Variants in ARMH3 observed in about 807,000 individuals in gnomAD.
ARMH3 encodes armadillo-like helical domain-containing protein 3.
A neutral mutation model predicts 99.1 loss-of-function variants in ARMH3; 60 were observed. The ratio of observed to expected loss-of-function variants is 0.61; its 90% CI spans 0.49 to 0.75. The LOEUF is 0.75. ARMH3 is among the 30% of genes least tolerant of loss of function. The pLI, the probability that ARMH3 is intolerant of heterozygous loss-of-function variation, is 0.00. For missense variants in ARMH3, 679 were observed against 843.1 expected (o/e 0.81, Z 2.41); for synonymous variants, 285 against 292.8 (o/e 0.97, Z 0.27).
intron 24 of ARMH3, among the ~76,000 whole-genome samples, chr10:101,871,060 AAACG>A (rs1022047772): frequency 1.3e-5 from 2 of 152,214 alleles, no homozygotes; most frequent in African/African-American, 4.8e-5. Context: ...AACTAGCAAC[AAACG>A]ACTGGAAATT....
At chr10:101,852,766 G>A (rs1279035816) in intron 24 of ARMH3, among the ~76,000 whole-genome samples, 3 of 150,486 alleles carry the variant, frequency 2.0e-5, no homozygotes, top group African/African-American at 7.3e-5. Context: ...AAAAAAAAAA[G>A]AAAAGAAAAA....
chr10:102,033,713 C>T (rs1309503494), intron 2 of ARMH3, among the ~76,000 whole-genome samples: 1 of 152,118 alleles, frequency 6.6e-6, no homozygotes, highest in African/African-American at 2.4e-5. Flanking sequence ...CCACCGCACC[C>T]GGCCCCTTAG....
chr10:101,924,482 C>A (rs1843426736), intron 23 of ARMH3, among the ~76,000 whole-genome samples: 1 of 151,276 alleles, frequency 6.6e-6, no homozygotes, highest in South Asian at 2.1e-4. Flanking sequence ...CTGCCTCAGC[C>A]TCCCAAGTAG....
At position 101,887,592 on chromosome 10, in the gene ARMH3, C is replaced by CTTT. The variant is rs34624064; in HGVS notation, c.1860+1817_1860+1819dup. 8.7e-3 allele frequency among the ~76,000 whole-genome samples: 844 copies of CTTT among 96,904 alleles called. 1 individual carries two copies. Among genetic ancestry groups the CTTT allele is most frequent in the Non-Finnish European group, 0.012 (583 of 49,918 alleles). 63.6% of individuals were successfully genotyped at this position (96,904 alleles called of 152,430 possible). On this transcript the variant is annotated intron_variant, in intron 24 of 25. Transcript: ENST00000370033. ...CTAATTTTTCTTTCTCTCTCTCTCT[C>CTTT]TTTTTTTTTTTTTTTTTTTTTTTGT...
rs547909674 is a variant in ARMH3 at position 101,870,984 on chromosome 10, C to G, written c.1860+18428G>C. ...ACAAACAACCAAAAAACCCAAAAAT[C>G]TAATAAATAAGTTTATCAAGGATGC... On this transcript the variant is annotated intron_variant, in intron 24 of 25. Coordinates refer to ENST00000370033, the MANE Select transcript of ARMH3 (RefSeq NM_024541.3). 4.4e-4 allele frequency among the ~76,000 whole-genome samples: 67 copies of G among 151,808 alleles called. 1 individual carries two copies. In the South Asian group the frequency reaches 0.013, roughly 30 times the overall value.
At chr10:101,978,861 A>AC (rs1414366968) in intron 19 of ARMH3, among the ~76,000 whole-genome samples, 1 of 151,888 alleles carries the variant, frequency 6.6e-6, no homozygotes, top group African/African-American at 2.4e-5. Flanking sequence ...AATTGCTTGA[A>AC]CCCGGGAGGT....
chr10:101,861,729 CAAAA>C (rs35593972), intron 24 of ARMH3, among the ~76,000 whole-genome samples: 1 of 44,138 alleles, frequency 2.3e-5, no homozygotes, highest in Non-Finnish European at 3.9e-5. Flanking sequence ...GACTCCGTCT[CAAAA>C]AAAAAAAAAA....
chr10:101,949,319 T>C (rs1313112820), intron 22 of ARMH3, among the ~76,000 whole-genome samples: 5 of 142,114 alleles, frequency 3.5e-5, no homozygotes, highest in Admixed American at 1.4e-4. Context: ...GGGAAATCAA[T>C]AAACTTGATA....
Position 101,847,406 on chromosome 10 carries a change from A to G in ARMH3, c.*122T>C, listed in dbSNP as rs1337275069. 3.1e-6 allele frequency: 3 copies of G among 979,166 alleles called. No individual in the cohort carries two copies. The highest frequency in any genetic ancestry group is 3.2e-6 in the Non-Finnish European group (2 of 626,284). The allele number at this position is 979,166 out of a possible 1,614,324, so 60.7% of individuals were successfully genotyped here. A position where few individuals can be genotyped will look rare whatever the true frequency, so the allele number is the denominator to read the frequency against. ...CTCCATTGAAGTGCGGTCTTCACCAAGAGAACTTGGTATCTGTGTTTCTCT... is the reference window on the plus strand; with the variant it reads ...CTCCATTGAAGTGCGGTCTTCACCAGGAGAACTTGGTATCTGTGTTTCTCT... On this transcript the variant is annotated 3_prime_UTR_variant, in exon 26 of 26. Transcript: ENST00000370033.
chr10:101,899,548 G>A (rs543232526), intron 23 of ARMH3, among the ~76,000 whole-genome samples: 1 of 152,170 alleles, frequency 6.6e-6, no homozygotes, highest in South Asian at 2.1e-4. Flanking sequence ...TGAATCTTCA[G>A]CCCACCCAAA....
At chr10:101,863,050 A>G (rs1245564308) in intron 24 of ARMH3, among the ~76,000 whole-genome samples, 1 of 152,104 alleles carries the variant, frequency 6.6e-6, no homozygotes, top group Non-Finnish European at 1.5e-5. Flanking sequence ...CTAAAATTAC[A>G]AAATTAGCCT....
At chr10:101,987,102 C>T (rs144187810) in intron 19 of ARMH3, among the ~76,000 whole-genome samples, 5 of 152,250 alleles carry the variant, frequency 3.3e-5, no homozygotes, top group African/African-American at 1.2e-4. Flanking sequence ...TGTAACTTTA[C>T]AGTAATGAAC....
At chr10:101,935,269 G>A (rs1477823295) in intron 23 of ARMH3, among the ~76,000 whole-genome samples, 1 of 150,470 alleles carries the variant, frequency 6.6e-6, no homozygotes, top group Non-Finnish European at 1.5e-5. Context: ...CCCTGTTTGT[G>A]TTCCAATAAA....
At chr10:101,913,240 T>TA (rs1334043032) in intron 23 of ARMH3, 3 of 151,338 alleles carry the variant, frequency 2.0e-5, no homozygotes, top group African/African-American at 7.3e-5. Context: ...CTCAGCCTCC[T>TA]AAGCTGCTGG....
At chr10:101,900,611 A>T (rs2067949881) in intron 23 of ARMH3, among the ~76,000 whole-genome samples, 1 of 152,220 alleles carries the variant, frequency 6.6e-6, no homozygotes, top group Non-Finnish European at 1.5e-5. Flanking sequence ...AATTTATTAT[A>T]AGACACTTAA....
At chr10:101,938,447 T>C (rs1421489994) in intron 23 of ARMH3, among the ~76,000 whole-genome samples, 1 of 151,868 alleles carries the variant, frequency 6.6e-6, no homozygotes, top group Non-Finnish European at 1.5e-5. Context: ...CAGAAACCAC[T>C]GAAAGGAAAA....
At chr10:101,962,706 T>G (rs2135845711) in intron 20 of ARMH3, among the ~76,000 whole-genome samples, 1 of 152,312 alleles carries the variant, frequency 6.6e-6, no homozygotes, top group South Asian at 2.1e-4. Context: ...AATATGCTGG[T>G]TGGAGCTAAA....
At chr10:101,989,204 A>G (rs925230111) in intron 19 of ARMH3, among the ~76,000 whole-genome samples, 14 of 152,166 alleles carry the variant, frequency 9.2e-5, no homozygotes, top group African/African-American at 3.4e-4. Context: ...GGAGTGGCAA[A>G]GGAGAAACAA....
At chr10:101,975,421 T>C (rs1223078053) in intron 19 of ARMH3, 121 bp from the exon 20 acceptor site, 8 of 623,150 alleles carry the variant, frequency 1.3e-5, no homozygotes, top group Non-Finnish European at 2.0e-5. Flanking sequence ...TGAATATGTA[T>C]ACATGCAAAA....
Sources: allele counts gnomAD v4.1 joint callset (sites outside exome capture counted in the v4.1 genomes callset), GRCh38; gene constraint gnomAD v4.1.1; transcripts MANE v1.5; gene names NCBI Gene and HGNC (gene_info 2026-07-23, HGNC 2026-07-21).